JMJD1C: variants seen among roughly 807,000 people sequenced by gnomAD.
The protein encoded by JMJD1C is jumonji domain-containing protein 1C.
JMJD1C carries 31 observed loss-of-function variants against 245.3 expected under a neutral mutation model. The ratio of observed to expected loss-of-function variants is 0.13; its 90% confidence interval spans 0.09 to 0.17. JMJD1C has a LOEUF of 0.17. Ranked by LOEUF, JMJD1C falls within the 10% of genes least tolerant of loss-of-function variation. The pLI is 1.00. For synonymous variants in JMJD1C, 1,057 were observed against 1,017.4 expected (o/e 1.04, Z -0.74); for missense variants, 2,691 against 3,000.2 (o/e 0.90, Z 2.41).
chr10:63,186,109 A>G (rs958605315), intron 19 of JMJD1C, 106 bp downstream of exon 19: 10 of 853,556 alleles, frequency 1.2e-5, no homozygotes, highest in Non-Finnish European at 1.8e-5. Flanking sequence ...TTATTAGACA[A>G]CATAAAACAG....
intron 1 of JMJD1C, among the ~76,000 whole-genome samples, chr10:63,491,847 T>C (rs1233867893): frequency 6.6e-6 from 1 of 152,202 alleles, no homozygotes; most frequent in African/African-American, 2.4e-5. Flanking sequence ...AGATAGCTAC[T>C]ACAACACTTC....
chr10:63,268,741 G>C (rs1173312344), intron 2 of JMJD1C: 1 of 985,210 alleles, frequency 1.0e-6, no homozygotes, highest in African/African-American at 1.7e-5. Flanking sequence ...AGTATTTGCT[G>C]AAATTTCTAT....
intron 2 of JMJD1C, among the ~76,000 whole-genome samples, chr10:63,306,908 C>T (rs1339407059): frequency 6.6e-6 from 1 of 152,118 alleles, no homozygotes; most frequent in African/African-American, 2.4e-5. Flanking sequence ...AATCATATCC[C>T]TCCTTATTTA....
intron 3 of JMJD1C, among the ~76,000 whole-genome samples, chr10:63,225,613 A>T (rs1478964804): frequency 6.6e-6 from 1 of 152,104 alleles, no homozygotes; most frequent in Non-Finnish European, 1.5e-5. Flanking sequence ...CCCCGTCTCT[A>T]CTAAAAATAC....
At chr10:63,413,538 T>C (rs1419657235) in intron 1 of JMJD1C, among the ~76,000 whole-genome samples, 2 of 152,188 alleles carry the variant, frequency 1.3e-5, no homozygotes, top group Non-Finnish European at 2.9e-5. Flanking sequence ...TTCAGTAAAA[T>C]AGTTTGCTAA....
At chr10:63,355,540 C>A (rs932857762) in intron 2 of JMJD1C, among the ~76,000 whole-genome samples, 1 of 152,100 alleles carries the variant, frequency 6.6e-6, no homozygotes, top group African/African-American at 2.4e-5. Context: ...AATTTATTTA[C>A]ATGAGACAGA....
At chr10:63,427,623 G>GA (rs1277309191) in intron 1 of JMJD1C, 1 of 1,377,774 alleles carries the variant, frequency 7.3e-7, no homozygotes, top group African/African-American at 1.4e-5. Flanking sequence ...TGGTGGTGGA[G>GA]AAACAGTGTG....
intron 3 of JMJD1C, among the ~76,000 whole-genome samples, chr10:63,227,751 T>G (rs1209861931): frequency 6.6e-6 from 1 of 152,188 alleles, no homozygotes; most frequent in African/African-American, 2.4e-5. Flanking sequence ...ATCCTGAACA[T>G]CAGATTAGGT....
At chr10:63,455,418 T>C (rs141492780) in intron 1 of JMJD1C, among the ~76,000 whole-genome samples, 1 of 152,326 alleles carries the variant, frequency 6.6e-6, no homozygotes, top group East Asian at 1.9e-4. Flanking sequence ...TTTAGTCATA[T>C]TTATTATTAG....
chr10:63,510,007 C>CT (rs35352946), intron 1 of JMJD1C, among the ~76,000 whole-genome samples: 357 of 142,816 alleles, frequency 2.5e-3, no homozygotes, highest in Admixed American at 7.7e-3. Flanking sequence ...GATTTTAGAT[C>CT]TTTTTTTTTT....
chr10:63,363,419 T>C (rs1292927899), intron 2 of JMJD1C, among the ~76,000 whole-genome samples: 1 of 151,994 alleles, frequency 6.6e-6, no homozygotes, highest in Non-Finnish European at 1.5e-5. Context: ...CCGCCATGCC[T>C]GGCTAATTTT....
chr10:63,270,844 G>A (rs1056338127), intron 2 of JMJD1C, among the ~76,000 whole-genome samples: 1 of 152,126 alleles, frequency 6.6e-6, no homozygotes, highest in African/African-American at 2.4e-5. Flanking sequence ...ATAAATCAAA[G>A]AGCAGAGATG....
chr10:63,384,882 G>A (rs1036343751), intron 1 of JMJD1C, among the ~76,000 whole-genome samples: 6 of 152,080 alleles, frequency 3.9e-5, no homozygotes, highest in African/African-American at 1.4e-4. Flanking sequence ...GCTGTTCCTT[G>A]GCAATAACAA....
chr10:63,481,627 C>T (rs1023568963), intron 1 of JMJD1C, among the ~76,000 whole-genome samples: 1 of 152,164 alleles, frequency 6.6e-6, no homozygotes, highest in African/African-American at 2.4e-5. Context: ...AATGTCTTCT[C>T]CTGCCACCCA....
intron 2 of JMJD1C, among the ~76,000 whole-genome samples, chr10:63,330,749 CAA>C (rs1942055667): frequency 6.6e-6 from 1 of 152,104 alleles, no homozygotes. Context: ...ATTCTAAAAT[CAA>C]AAGTTAAAAC....
intron 2 of JMJD1C, among the ~76,000 whole-genome samples, chr10:63,296,665 C>G (rs1448599261): frequency 6.6e-6 from 1 of 152,136 alleles, no homozygotes; most frequent in African/African-American, 2.4e-5. Flanking sequence ...CTGCGTAAGT[C>G]TATGAATGGT....
Position 63,276,884 on chromosome 10 carries a change from C to CTTT in JMJD1C, c.334-12123_334-12121dup, listed in dbSNP as rs760452367. On this transcript the variant is annotated intron_variant, in intron 2 of 25. Transcript: ENST00000399262. ...CTATGGAAGGAATAGAAGCTTGGGG[C>CTTT]TTTTTTTTTTTTTTTTTTGAGAGAG... Among the ~76,000 whole-genome samples, 13 of 96,254 alleles carry CTTT rather than the reference C, an allele frequency of 1.4e-4. 1 individual carries two copies. Among genetic ancestry groups the CTTT allele is most frequent in the African/African-American group, 4.3e-4 (10 of 23,350 alleles). The allele number at this position is 96,254 out of a possible 152,430, so 63.1% of individuals were successfully genotyped here. A position where few individuals can be genotyped will look rare whatever the true frequency, so the allele number is the denominator to read the frequency against.
intron 1 of JMJD1C, among the ~76,000 whole-genome samples, chr10:63,472,853 A>G (rs774843487): frequency 4.2e-4 from 64 of 151,506 alleles, no homozygotes; most frequent in Non-Finnish European, 8.1e-4. Flanking sequence ...GCGCGATCAT[A>G]GGATCACCGC....
intron 8 of JMJD1C, among the ~76,000 whole-genome samples, chr10:63,213,031 CA>C (rs1444240977): frequency 6.6e-6 from 1 of 150,694 alleles, no homozygotes; most frequent in Non-Finnish European, 1.5e-5. Flanking sequence ...ACTAAAAATA[CA>C]AAAATCTGCC....
Sources: gnomAD v4.1 joint callset for allele counts (sites outside exome capture counted in the v4.1 genomes callset) on GRCh38, gnomAD v4.1.1 for gene constraint, MANE v1.5 for transcripts, NCBI Gene and HGNC (gene_info 2026-07-23, HGNC 2026-07-21) for gene names.